The following ANKRD60 variants were observed in gnomAD, a reference collection of about 807,000 sequenced individuals.
ANKRD60 encodes ankyrin repeat domain-containing protein 60.
A neutral mutation model predicts 21.3 loss-of-function variants in ANKRD60; 24 were observed. That is an observed-to-expected ratio of 1.13 (90% CI 0.82 to 1.59). ANKRD60 has a LOEUF of 1.59. ANKRD60 is among the 40% of genes most tolerant of loss of function. The pLI is 0.00. For synonymous variants in ANKRD60, 182 were observed against 199.4 expected (o/e 0.91, Z 0.74); for missense variants, 490 against 466.7 (o/e 1.05, Z -0.46).
chr20:58,221,562 C>G, intron 2 of ANKRD60, 59 bp from the exon 3 acceptor site: 1 of 1,522,478 alleles, frequency 6.6e-7, no homozygotes, highest in Non-Finnish European at 8.9e-7. Flanking sequence ...TTTTGCTGGA[C>G]GGCTGATGGG....
intron 3 of ANKRD60, among the ~76,000 whole-genome samples, chr20:58,221,002 A>G (rs1262817619): frequency 1.3e-5 from 2 of 152,216 alleles, no homozygotes; most frequent in Admixed American, 6.5e-5. Flanking sequence ...CACAGACAGC[A>G]TGCGAATATT....
At chr20:58,221,812 T>C (rs1600683467) in intron 2 of ANKRD60, among the ~76,000 whole-genome samples, 1 of 151,954 alleles carries the variant, frequency 6.6e-6, no homozygotes, top group South Asian at 2.1e-4. Flanking sequence ...CACAGGAAGG[T>C]GGTTGAAGCC....
intron 2 of ANKRD60, 127 bp downstream of exon 2, chr20:58,222,925 G>T: frequency 1.7e-6 from 2 of 1,185,810 alleles, no homozygotes; most frequent in Non-Finnish European, 1.1e-6. Context: ...TTATGACACG[G>T]CTCATCGTTC....
intron 1 of ANKRD60, among the ~76,000 whole-genome samples, chr20:58,225,842 G>A (rs1379630078): frequency 6.6e-6 from 1 of 152,206 alleles, no homozygotes; most frequent in East Asian, 1.9e-4. Flanking sequence ...GGGAGATGAT[G>A]GAGCCCAGGG....
chr20:58,218,839 A>T lies in ANKRD60; in HGVS notation c.728-34T>A, dbSNP rs1984188035. On this transcript the variant is annotated intron_variant, in intron 3 of 3. Coordinates refer to ENST00000457363, the Ensembl canonical transcript of ANKRD60. ...TAAGAACATTGGCCAGAAGGAAGACATGCGGAGGGGGAACACAGGAGGGGT... is the reference window on the plus strand; with the variant it reads ...TAAGAACATTGGCCAGAAGGAAGACTTGCGGAGGGGGAACACAGGAGGGGT... 4 of 1,501,556 alleles carry T rather than the reference A, an allele frequency of 2.7e-6. No homozygotes were observed. The Admixed American group carries it at 8.3e-5, about 31-fold the overall frequency. The allele number at this position is 1,501,556 out of a possible 1,614,324, so 93.0% of individuals were successfully genotyped here.
intron 1 of ANKRD60, among the ~76,000 whole-genome samples, chr20:58,227,751 G>A (rs1216104247): frequency 3.3e-5 from 5 of 152,126 alleles, no homozygotes; most frequent in Non-Finnish European, 7.4e-5. Flanking sequence ...TGAGTTTGGG[G>A]TACTGACATG....
rs555895030 is a variant in ANKRD60 at position 58,220,892 on chromosome 20, C to T, written c.727+446G>A. On this transcript the variant is annotated intron_variant, in intron 3 of 3. Transcript: ENST00000457363. Reference sequence around the variant, plus strand: ...ATGTGATCTGCCCGCCTCAGCCTTCCAAAGTGCTGAGATTACAGGCATGAG... The same window carrying T: ...ATGTGATCTGCCCGCCTCAGCCTTCTAAAGTGCTGAGATTACAGGCATGAG... Among the ~76,000 whole-genome samples the T allele has an allele frequency of 5.3e-5, 8 of 152,260 alleles. No individual in the cohort carries two copies. The South Asian group carries it at 1.7e-3, about 32-fold the overall frequency.
intron 1 of ANKRD60, 146 bp from the exon 2 acceptor site, chr20:58,223,328 G>A (rs559645817): frequency 2.9e-5 from 22 of 751,940 alleles, no homozygotes; most frequent in Admixed American, 2.5e-4. Flanking sequence ...ATGGTGTCGC[G>A]TGGGTCTGTC....
At chr20:58,227,090 G>A (rs920757454) in intron 1 of ANKRD60, among the ~76,000 whole-genome samples, 1 of 152,302 alleles carries the variant, frequency 6.6e-6, no homozygotes, top group Admixed American at 6.5e-5. Context: ...GTTTGTTTCG[G>A]ATCTTGGCAT....
At chr20:58,218,759 A>C (rs747606302) in exon 4 of ANKRD60, 3 of 1,551,050 alleles carry the variant, frequency 1.9e-6, no homozygotes, top group Admixed American at 2.0e-5. Context: ...CTGCAGCCAC[A>C]TGCAGGGGTG....
rs1165206151 is a variant in ANKRD60 at position 58,228,240 on chromosome 20, G to C, written c.414C>G (p.Leu138=). 6.5e-7 allele frequency: 1 copy of C among 1,549,758 alleles called. No individual in the cohort carries two copies. Among genetic ancestry groups the C allele is most frequent in the South Asian group, 1.2e-5 (1 of 83,864 alleles). The change falls in exon 1 of 4, where the codon CTC becomes CTG. Residue 138 remains leucine, a synonymous_variant. Transcript: ENST00000457363. This position sits in a 1 kb window ranked among gnomAD's most constrained non-coding sequence, Gnocchi z 5.3. The stretch of plus-strand genomic sequence containing the variant: ...AGGAGCCACCTTCGTCGAGGTACTG[G>C]AGCCGCTGGAGGTTGAAGGGGATGC...
At chr20:58,225,546 T>A (rs1984346806) in intron 1 of ANKRD60, among the ~76,000 whole-genome samples, 1 of 152,180 alleles carries the variant, frequency 6.6e-6, no homozygotes, top group African/African-American at 2.4e-5. Flanking sequence ...ATTTTGAGTT[T>A]CCTGCGTCAT....
chr20:58,218,017 A>T (rs564911931), downstream of ANKRD60, among the ~76,000 whole-genome samples: 4 of 152,330 alleles, frequency 2.6e-5, no homozygotes, highest in African/African-American at 9.6e-5. Context: ...GGAAACCTGG[A>T]ACATTAGCTG....
At chr20:58,222,327 C>A (rs1245456464) in intron 2 of ANKRD60, among the ~76,000 whole-genome samples, 1 of 152,120 alleles carries the variant, frequency 6.6e-6, no homozygotes, top group Non-Finnish European at 1.5e-5. Flanking sequence ...TGCCTCCTGC[C>A]GCACCTGCCC....
exon 2 of ANKRD60, chr20:58,223,167 T>C: frequency 1.3e-6 from 2 of 1,547,186 alleles, no homozygotes. Context: ...CAGGGTAGTG[T>C]CATCCATCAA....
At chr20:58,221,391 T>C in exon 3 of ANKRD60, 1 of 1,552,402 alleles carries the variant, frequency 6.4e-7, no homozygotes, top group Non-Finnish European at 8.7e-7. Flanking sequence ...TGAGGCCACA[T>C]ACAACGCCAC....
In ANKRD60 at chr20:58,228,179, G is replaced by T; in HGVS notation, c.430+45C>A. The T allele has an allele frequency of 6.7e-7, 1 of 1,488,446 alleles. No homozygotes were observed. Among genetic ancestry groups the T allele is most frequent in the South Asian group, 1.3e-5 (1 of 76,528 alleles). The allele number at this position is 1,488,446 out of a possible 1,614,324, so 92.2% of individuals were successfully genotyped here. Reference sequence around the variant, plus strand: ...GGGAATCCACTTCAGAAGTGGACAGGGTGCCCTTGCATGTGGCCAGGGAAG... The same window carrying T: ...GGGAATCCACTTCAGAAGTGGACAGTGTGCCCTTGCATGTGGCCAGGGAAG... On this transcript the variant is annotated intron_variant, in intron 1 of 3. Coordinates refer to ENST00000457363, the Ensembl canonical transcript of ANKRD60. The surrounding 1 kb of genome is among the most constrained non-coding windows in gnomAD (Gnocchi z 5.3).
chr20:58,227,753 A>G (rs1347859974), intron 1 of ANKRD60, among the ~76,000 whole-genome samples: 13 of 151,896 alleles, frequency 8.6e-5, no homozygotes, highest in Admixed American at 8.5e-4. Flanking sequence ...AGTTTGGGGT[A>G]CTGACATGGG....
downstream of ANKRD60, among the ~76,000 whole-genome samples, chr20:58,216,292 G>A (rs561338241): frequency 6.6e-6 from 1 of 152,210 alleles, no homozygotes; most frequent in Non-Finnish European, 1.5e-5. Flanking sequence ...TTTGGGACCT[G>A]CCCAATGTCT....
Sources: gnomAD v4.1 joint callset for allele counts (sites outside exome capture counted in the v4.1 genomes callset) on GRCh38, gnomAD v4.1.1 for gene constraint, Gnocchi (gnomAD v3.1) non-coding constraint, MANE v1.5 for transcripts, NCBI Gene and HGNC (gene_info 2026-07-23, HGNC 2026-07-21) for gene names.